The following CRPPA variants were observed in gnomAD, a reference collection of about 807,000 sequenced individuals.
The protein encoded by CRPPA is D-ribitol-5-phosphate cytidylyltransferase.
In CRPPA, 43 loss-of-function variants were observed where a neutral mutation model predicts 52.0. That is an observed-to-expected ratio of 0.83 (90% CI 0.65 to 1.07). The LOEUF (loss-of-function observed/expected upper bound fraction) is 1.07, where lower values mean the gene tolerates loss of function less well. CRPPA is among the 50% of genes least tolerant of loss of function. CRPPA has a pLI of 0.00. For synonymous variants in CRPPA, 250 were observed against 203.5 expected (o/e 1.23, Z -1.94); for missense variants, 629 against 551.7 (o/e 1.14, Z -1.40).
intron 9 of CRPPA, among the ~76,000 whole-genome samples, chr7:16,194,876 TG>T (rs2128391605): frequency 6.6e-6 from 1 of 150,844 alleles, no homozygotes; most frequent in Admixed American, 6.6e-5. Context: ...ACATGAAGAA[TG>T]TGACATTTGG....
intron 9 of CRPPA, among the ~76,000 whole-genome samples, chr7:16,107,009 C>T (rs1337052787): frequency 2.0e-5 from 3 of 151,966 alleles, no homozygotes; most frequent in Non-Finnish European, 4.4e-5. Context: ...AAACCTTCAA[C>T]AGCAGACTCA....
intron 9 of CRPPA, among the ~76,000 whole-genome samples, chr7:16,209,482 G>C (rs538864229): frequency 6.6e-5 from 10 of 152,184 alleles, no homozygotes; most frequent in Admixed American, 6.5e-4. Flanking sequence ...ATGTTGGCCA[G>C]ATTGGTCTCG....
chr7:16,244,057 G>A lies in CRPPA; in HGVS notation c.1119+14333C>T, dbSNP rs1178805645. On this transcript the variant is annotated intron_variant, in intron 8 of 9. Coordinates refer to ENST00000407010, the MANE Select transcript of CRPPA (RefSeq NM_001101426.4). Reference sequence around the variant, plus strand: ...AAGATTATACAAAAAGCTTAATTTTGCAAACATAACCTAAAGGATTTTAAG... The same window carrying A: ...AAGATTATACAAAAAGCTTAATTTTACAAACATAACCTAAAGGATTTTAAG... Among the ~76,000 whole-genome samples the A allele has an allele frequency of 2.0e-5, 3 of 152,188 alleles. No homozygotes were observed. In the East Asian group the frequency reaches 5.8e-4, roughly 29 times the overall value.
At chr7:16,205,900 T>C (rs1781962878) in intron 9 of CRPPA, among the ~76,000 whole-genome samples, 1 of 151,308 alleles carries the variant, frequency 6.6e-6, no homozygotes, top group African/African-American at 2.4e-5. Context: ...AGAATTAAGG[T>C]GGTGAATATG....
chr7:16,275,640 C>T (rs1030204716), intron 6 of CRPPA, among the ~76,000 whole-genome samples: 2 of 151,758 alleles, frequency 1.3e-5, no homozygotes, highest in African/African-American at 2.4e-5. Flanking sequence ...CCAGCCTGGG[C>T]AACATGTGGA....
intron 3 of CRPPA, among the ~76,000 whole-genome samples, chr7:16,358,311 T>C (rs1583546078): frequency 6.6e-6 from 1 of 152,128 alleles, no homozygotes; most frequent in African/African-American, 2.4e-5. Context: ...GCTTAAAAGA[T>C]GTCTTAAGCA....
intron 3 of CRPPA, among the ~76,000 whole-genome samples, chr7:16,356,436 T>C (rs963864457): frequency 6.6e-6 from 1 of 152,118 alleles, no homozygotes; most frequent in African/African-American, 2.4e-5. Context: ...GAGTATCTGG[T>C]TTTCCTCTTT....
chr7:16,304,570 G>A (rs1448106659), intron 4 of CRPPA, among the ~76,000 whole-genome samples: 1 of 152,140 alleles, frequency 6.6e-6, no homozygotes, highest in East Asian at 1.9e-4. Flanking sequence ...GAACCCAGGA[G>A]GCAGAGGTTG....
At chr7:16,218,645 G>A (rs1782403715) in intron 8 of CRPPA, among the ~76,000 whole-genome samples, 1 of 78,150 alleles carries the variant, frequency 1.3e-5, no homozygotes, top group Non-Finnish European at 2.5e-5. Context: ...TGCAATCCTA[G>A]TCTCTGATAA....
intron 9 of CRPPA, among the ~76,000 whole-genome samples, chr7:16,209,622 CATTCACACAAAAAAAGAAAG>C (rs1177480346): frequency 1.3e-5 from 2 of 151,956 alleles, no homozygotes; most frequent in African/African-American, 2.4e-5. Flanking sequence ...CTTGAGTTTA[CATTCACACAAAAAAAGAAAG>C]ATTCACACAA....
At chr7:16,416,681 CA>C (rs61476408) in intron 1 of CRPPA, among the ~76,000 whole-genome samples, 1,540 of 147,778 alleles carry the variant, frequency 0.01, 30 homozygotes, top group African/African-American at 0.036. Context: ...CAAACAAATA[CA>C]AAAAAAAAAA....
intron 9 of CRPPA, among the ~76,000 whole-genome samples, chr7:16,186,262 G>C (rs1467549273): frequency 6.6e-6 from 1 of 152,148 alleles, no homozygotes; most frequent in Admixed American, 6.5e-5. Flanking sequence ...ATGGTATTTG[G>C]AGATGGGTCT....
At chr7:16,320,901 C>G (rs944927751) in intron 3 of CRPPA, among the ~76,000 whole-genome samples, 4 of 152,064 alleles carry the variant, frequency 2.6e-5, no homozygotes, top group Non-Finnish European at 5.9e-5. Flanking sequence ...CCATATGAGG[C>G]TGATAATATA....
At chr7:16,401,885 G>C (rs958890047) in intron 2 of CRPPA, among the ~76,000 whole-genome samples, 1 of 151,970 alleles carries the variant, frequency 6.6e-6, no homozygotes, top group Admixed American at 6.6e-5. Flanking sequence ...ATATAGGAGA[G>C]AATTTTACAA....
chr7:16,121,152 A>AT (rs1408376481), intron 9 of CRPPA, among the ~76,000 whole-genome samples: 3 of 152,136 alleles, frequency 2.0e-5, no homozygotes, highest in Non-Finnish European at 4.4e-5. Flanking sequence ...ACCAGAATTG[A>AT]AATCTAGAGA....
chr7:16,389,721 C>T (rs1428388938), intron 2 of CRPPA, among the ~76,000 whole-genome samples: 2 of 151,298 alleles, frequency 1.3e-5, no homozygotes, highest in Non-Finnish European at 2.9e-5. Flanking sequence ...TTGGCCATTT[C>T]CAGTAAACAC....
At chr7:16,173,598 C>T (rs1473013727) in intron 9 of CRPPA, among the ~76,000 whole-genome samples, 1 of 152,004 alleles carries the variant, frequency 6.6e-6, no homozygotes, top group African/African-American at 2.4e-5. Flanking sequence ...CCCAATAAAA[C>T]AGCAATTTAT....
intron 9 of CRPPA, among the ~76,000 whole-genome samples, chr7:16,188,449 G>C (rs1165197426): frequency 6.6e-6 from 1 of 152,068 alleles, no homozygotes; most frequent in Non-Finnish European, 1.5e-5. Context: ...AAACTATTTG[G>C]AGAGTATTTT....
chr7:16,420,667 T>G (rs1209609192), intron 1 of CRPPA, among the ~76,000 whole-genome samples: 1 of 152,156 alleles, frequency 6.6e-6, no homozygotes, highest in Non-Finnish European at 1.5e-5. Flanking sequence ...GAAACTTCAG[T>G]GTGCACGTAC....
Sources: allele counts gnomAD v4.1 joint callset (sites outside exome capture counted in the v4.1 genomes callset), GRCh38; gene constraint gnomAD v4.1.1; transcripts MANE v1.5; gene names NCBI Gene and HGNC (gene_info 2026-07-23, HGNC 2026-07-21).